The following SETD4 variants were observed in gnomAD, a reference collection of about 807,000 sequenced individuals.
The protein encoded by SETD4 is SET domain containing 4.
SETD4 carries 46 observed loss-of-function variants against 58.3 expected under a neutral mutation model. The ratio of observed to expected loss-of-function variants is 0.79; its 90% CI spans 0.62 to 1.01. The LOEUF (loss-of-function observed/expected upper bound fraction) is 1.01, where lower values mean the gene tolerates loss of function less well. Ranked by LOEUF, SETD4 falls within the 50% of genes least tolerant of loss-of-function variation. The pLI, the probability that SETD4 is intolerant of heterozygous loss-of-function variation, is 0.00. For missense variants in SETD4, 490 were observed against 523.3 expected (o/e 0.94, Z 0.62); for synonymous variants, 190 against 202.6 (o/e 0.94, Z 0.53).
At position 36,039,367 on chromosome 21, in the gene SETD4, G is replaced by A. The variant is rs567345671; in HGVS notation, c.1065-1094C>T. Reference sequence around the variant, plus strand: ...CTTTCTCCACACCCACTCAGTAAGCGGTAACTCAAATGCAAGAAAAGAGGC... The same window carrying A: ...CTTTCTCCACACCCACTCAGTAAGCAGTAACTCAAATGCAAGAAAAGAGGC... On this transcript the variant is annotated intron_variant, in intron 9 of 11. Coordinates refer to ENST00000332131, the MANE Select transcript of SETD4 (RefSeq NM_017438.5). 9.8e-4 allele frequency among the ~76,000 whole-genome samples: 149 copies of A among 152,228 alleles called. 5 individuals are homozygous for A. The South Asian group carries it at 0.028, about 29-fold the overall frequency.
chr21:36,050,968 A>G lies in SETD4; in HGVS notation c.208-2572T>C, dbSNP rs2064649871. The G allele has an allele frequency of 1.2e-5, 20 of 1,608,226 alleles. No individual in the cohort carries two copies. In the South Asian group the frequency reaches 2.2e-4, roughly 18 times the overall value. The stretch of plus-strand genomic sequence containing the variant: ...GAACAAGGGAAGCAGCTAGCTATCC[A>G]GGTGTCTAATATCCTGGGGATGGAT... On this transcript the variant is annotated intron_variant, in intron 4 of 11. Coordinates refer to ENST00000332131, the MANE Select transcript of SETD4 (RefSeq NM_017438.5).
intron 8 of SETD4, 97 bp downstream of exon 8, chr21:36,041,710 G>A: frequency 2.6e-6 from 2 of 770,082 alleles, no homozygotes; most frequent in Non-Finnish European, 4.2e-6. Context: ...CTGATACAGG[G>A]TCAGGAGGGG....
chr21:36,044,222 T>C (rs1204359870), intron 6 of SETD4, among the ~76,000 whole-genome samples: 1 of 152,224 alleles, frequency 6.6e-6, no homozygotes, highest in Non-Finnish European at 1.5e-5. Context: ...CAGCAGTTTA[T>C]TGGTCACGTC....
At chr21:36,036,610 A>G (rs1357665634) in intron 10 of SETD4, 1 of 970,938 alleles carries the variant, frequency 1.0e-6, no homozygotes, top group Non-Finnish European at 1.2e-6. Flanking sequence ...AAGCTTCATT[A>G]AAATCACTCT....
rs115072933 is a variant in SETD4, at chr21:36,039,683, A to C, written c.1064+892T>G. 3.1e-3 allele frequency among the ~76,000 whole-genome samples: 467 copies of C among 152,378 alleles called. 2 individuals carry two copies. The highest frequency in any genetic ancestry group is 0.011 in the African/African-American group (453 of 41,582). ...TTTCCAGTGAACAAGGAAAAGAAGG[A>C]AACATCGGTTAAAGAATTCATAGTA... On this transcript the variant is annotated intron_variant, in intron 9 of 11. Transcript: ENST00000332131.
intron 2 of SETD4, chr21:36,057,492 A>C: frequency 1.6e-6 from 1 of 611,230 alleles, no homozygotes; most frequent in Non-Finnish European, 3.0e-6. Context: ...AAAAAAAAAA[A>C]AATACAATAT....
chr21:36,044,571 G>A (rs988449320), intron 6 of SETD4, among the ~76,000 whole-genome samples: 12 of 152,136 alleles, frequency 7.9e-5, no homozygotes, highest in African/African-American at 2.9e-4. Flanking sequence ...ATATTATTTC[G>A]TCAACATCAA....
At chr21:36,043,584 C>G (rs749155899) in intron 7 of SETD4, 198 bp downstream of exon 7, 78 of 1,394,504 alleles carry the variant, frequency 5.6e-5, no homozygotes, top group Non-Finnish European at 7.2e-5. Flanking sequence ...CTCAAAATAT[C>G]AGTCAAAACT....
intron 6 of SETD4, 128 bp from the exon 7 acceptor site, chr21:36,044,084 G>C (rs137954932): frequency 5.2e-6 from 6 of 1,149,692 alleles, no homozygotes; most frequent in African/African-American, 1.6e-5. Context: ...ATGTAACTAC[G>C]CATAGGGAAA....
At chr21:36,056,728 T>C (rs997873933) in intron 3 of SETD4, among the ~76,000 whole-genome samples, 1 of 152,138 alleles carries the variant, frequency 6.6e-6, no homozygotes, top group Admixed American at 6.5e-5. Context: ...TGGCTAACTT[T>C]TGTACTTTTA....
At chr21:36,051,164 G>C in intron 4 of SETD4, 2 of 1,579,512 alleles carry the variant, frequency 1.3e-6, no homozygotes, top group Non-Finnish European at 1.7e-6. Flanking sequence ...CCCAGCGTAT[G>C]TCCCTGCTCT....
At chr21:36,053,869 C>CT (rs1235821020) in intron 3 of SETD4, among the ~76,000 whole-genome samples, 1 of 152,138 alleles carries the variant, frequency 6.6e-6, no homozygotes, top group Non-Finnish European at 1.5e-5. Context: ...GCACCGTGGA[C>CT]TTTATACAGA....
chr21:36,058,712 C>T (rs898422416), intron 2 of SETD4, 104 bp downstream of exon 2: 25 of 1,307,564 alleles, frequency 1.9e-5, no homozygotes, highest in African/African-American at 1.5e-4. Flanking sequence ...AGCGAGAATC[C>T]GTCTCAGAAA....
chr21:36,038,354 T>C (rs1384847838), intron 9 of SETD4, 81 bp from the exon 10 acceptor site: 1 of 1,488,506 alleles, frequency 6.7e-7, no homozygotes, highest in East Asian at 2.3e-5. Flanking sequence ...ACACATAAAC[T>C]CCTTCTCCTA....
At chr21:36,040,765 G>C in intron 8 of SETD4, 110 bp from the exon 9 acceptor site, 1 of 919,370 alleles carries the variant, frequency 1.1e-6, no homozygotes, top group Non-Finnish European at 1.8e-6. Context: ...TAAATGTCAT[G>C]TAACCTGCAA....
intron 3 of SETD4, among the ~76,000 whole-genome samples, chr21:36,055,257 A>G (rs2064931773): frequency 6.6e-6 from 1 of 152,228 alleles, no homozygotes; most frequent in Admixed American, 6.5e-5. Context: ...AAGATCCTTT[A>G]CCTATATTTA....
intron 9 of SETD4, among the ~76,000 whole-genome samples, chr21:36,038,967 C>G (rs1040574510): frequency 6.6e-6 from 1 of 151,986 alleles, no homozygotes; most frequent in African/African-American, 2.4e-5. Context: ...GGACCGGATT[C>G]TGAACACCGA....
At chr21:36,058,567 G>C (rs2065108952) in intron 2 of SETD4, among the ~76,000 whole-genome samples, 2 of 151,198 alleles carry the variant, frequency 1.3e-5, no homozygotes, top group South Asian at 4.2e-4. Flanking sequence ...AAAGCTATGT[G>C]TTAGGCCGAG....
At position 36,058,839 on chromosome 21, in the gene SETD4, C is replaced by A; in HGVS notation, c.50G>T (p.Cys17Phe). 2 of 1,602,032 alleles carry A rather than the reference C, an allele frequency of 1.2e-6. No individual in the cohort carries two copies. The highest frequency in any genetic ancestry group is 1.7e-5 in the Admixed American group (1 of 57,642). ...ACCTCCTCTTGATTCAGAACTTCCG[C>A]AGAGTTTTCGTCTTCTGATCCGGCT... ...RTSRIRRRKLCGSSESRGVNE... is the reference protein window; with the variant it reads ...RTSRIRRRKLFGSSESRGVNE... Residue 17 changes from cysteine (C) to phenylalanine (F), a missense_variant, in exon 2 of 12, where the codon TGC (cysteine) becomes TTC (phenylalanine). Transcript: ENST00000332131.
Sources: allele counts gnomAD v4.1 joint callset (sites outside exome capture counted in the v4.1 genomes callset), GRCh38; gene constraint gnomAD v4.1.1; transcripts MANE v1.5; gene names NCBI Gene and HGNC (gene_info 2026-07-23, HGNC 2026-07-21).